Variants in MAST4 observed in about 807,000 individuals in gnomAD.
MAST4 encodes the protein microtubule associated serine/threonine kinase family member 4, also known as microtubule-associated serine/threonine-protein kinase 4.
MAST4 carries 89 observed loss-of-function variants against 162.7 expected under a neutral mutation model. That is an observed-to-expected ratio of 0.55 (90% CI 0.46 to 0.65). MAST4 has a LOEUF of 0.65. MAST4 is among the 30% of genes least tolerant of loss of function. The probability of loss-of-function intolerance (pLI) is 0.00; values close to 1 mark genes in which losing one functional copy is unlikely to be tolerated. For synonymous variants in MAST4, 1,479 were observed against 1,361.1 expected (o/e 1.09, Z -1.91); for missense variants, 3,153 against 3,374.0 (o/e 0.93, Z 1.62).
chr5:67,012,242 A>G (rs776709874), intron 4 of MAST4, among the ~76,000 whole-genome samples: 2 of 152,232 alleles, frequency 1.3e-5, no homozygotes, highest in Non-Finnish European at 2.9e-5. Context: ...GTTGGGGTCA[A>G]GGAATCATTT....
rs75180459 is a variant in MAST4, at chr5:66,779,521, G to C, written c.518-9149G>C. Among the ~76,000 whole-genome samples, 833 of 151,818 alleles carry C rather than the reference G, an allele frequency of 5.5e-3. 7 individuals are homozygous for C. Among genetic ancestry groups the C allele is most frequent in the South Asian group, 0.051 (247 of 4,804 alleles). ...GTATCCATTTATGCCATTAAGAAGA[G>C]TGATTTAGCAGCATTGTTGATGCTG... On this transcript the variant is annotated intron_variant, in intron 2 of 28. Transcript: ENST00000403625.
intron 4 of MAST4, among the ~76,000 whole-genome samples, chr5:66,908,077 T>A (rs180968685): frequency 7.9e-5 from 12 of 152,158 alleles, no homozygotes; most frequent in Non-Finnish European, 1.5e-4. Flanking sequence ...GCATTTAAAG[T>A]GGCATGTTTA....
rs777242441 is a variant in MAST4 at position 67,130,274 on chromosome 5, C to G, written c.1810C>G (p.Gln604Glu). 1 of 1,613,774 alleles carries G rather than the reference C, an allele frequency of 6.2e-7. No homozygotes were observed. Among genetic ancestry groups the G allele is most frequent in the South Asian group, 1.1e-5 (1 of 91,084 alleles). Residue 604 changes from glutamine to glutamate, a missense_variant, in exon 15 of 29, where the codon CAG (glutamine) becomes GAG (glutamate). Around this residue, in one of 7 missense-constraint regions of MAST4, gnomAD observed 131 missense variants for 253.8 expected, o/e 0.52. Coordinates refer to ENST00000403625, the MANE Select transcript of MAST4 (RefSeq NM_001164664.2). ...QRFAMKKINK[Q>E]NLILRNQIQQ... The stretch of plus-strand genomic sequence containing the variant: ...GTTTGCCATGAAGAAGATTAATAAA[C>G]AGAACCTCATCCTTCGAAACCAGAT...
intron 4 of MAST4, among the ~76,000 whole-genome samples, chr5:67,000,592 A>G (rs1751168383): frequency 6.6e-6 from 1 of 152,082 alleles, no homozygotes; most frequent in Non-Finnish European, 1.5e-5. Context: ...CTAAAAATAC[A>G]AAAAAATTAG....
At chr5:66,636,687 G>T (rs1398714132) in intron 1 of MAST4, among the ~76,000 whole-genome samples, 2 of 152,188 alleles carry the variant, frequency 1.3e-5, no homozygotes, top group Non-Finnish European at 2.9e-5. Context: ...TGTGCCTGGG[G>T]TGTAGCTTTC....
intron 4 of MAST4, among the ~76,000 whole-genome samples, chr5:66,910,750 T>C (rs1186467759): frequency 2.2e-5 from 3 of 138,700 alleles, no homozygotes; most frequent in African/African-American, 8.2e-5. Context: ...TCTTTTTTTT[T>C]TTTTCTTTTT....
intron 4 of MAST4, among the ~76,000 whole-genome samples, chr5:66,918,991 T>C (rs572504832): frequency 6.6e-6 from 1 of 151,376 alleles, no homozygotes; most frequent in East Asian, 2.0e-4. Context: ...TAATCCCAGC[T>C]ACTTGGGAGG....
intron 14 of MAST4, among the ~76,000 whole-genome samples, chr5:67,124,110 C>G (rs746741018): frequency 6.6e-6 from 1 of 152,228 alleles, no homozygotes; most frequent in African/African-American, 2.4e-5. Flanking sequence ...TCTCCCCACC[C>G]TCCCACACCT....
intron 23 of MAST4, among the ~76,000 whole-genome samples, chr5:67,148,369 A>G (rs1263831815): frequency 1.3e-5 from 2 of 152,182 alleles, no homozygotes; most frequent in African/African-American, 2.4e-5. Flanking sequence ...AACCTGGGAA[A>G]GAAAAAGTAG....
chr5:66,625,746 T>TA (rs1196501300), intron 1 of MAST4, among the ~76,000 whole-genome samples: 2 of 152,104 alleles, frequency 1.3e-5, no homozygotes, highest in African/African-American at 2.4e-5. Context: ...CTCAGAAGAT[T>TA]AAAAAAGGAA....
intron 3 of MAST4, among the ~76,000 whole-genome samples, chr5:66,839,390 C>T (rs920943961): frequency 3.3e-5 from 5 of 152,122 alleles, no homozygotes; most frequent in African/African-American, 1.2e-4. Context: ...ATTAATTGAA[C>T]TAGACTGTGA....
intron 3 of MAST4, among the ~76,000 whole-genome samples, chr5:66,876,054 A>G (rs1469473613): frequency 2.0e-5 from 3 of 152,224 alleles, no homozygotes; most frequent in African/African-American, 4.8e-5. Flanking sequence ...GGTGTGAGCC[A>G]CTGTGCCTGG....
chr5:66,953,876 G>A (rs559689673), intron 4 of MAST4, among the ~76,000 whole-genome samples: 2 of 152,250 alleles, frequency 1.3e-5, no homozygotes, highest in Admixed American at 6.5e-5. Context: ...CTCACTATAT[G>A]CCAATAGCAG....
rs781123854 is a variant in MAST4, at chr5:67,163,487, C to T, written c.4308C>T (p.Pro1436=). The change falls in exon 29 of 29, where the codon CCC becomes CCT. Residue 1436 remains proline (P), a synonymous_variant. Coordinates refer to ENST00000403625, the MANE Select transcript of MAST4 (RefSeq NM_001164664.2). The surrounding 1 kb of genome is among the most constrained non-coding windows in gnomAD (Gnocchi z 7.0). ...HIVRPKSAEP[P]RSPLLKRVQS... ...TGAGGCCCAAGAGTGCGGAGCCCCC[C>T]AGGTCCCCGCTGCTCAAGCGCGTGC... 9.9e-6 allele frequency: 16 copies of T among 1,613,120 alleles called. No individual in the cohort carries two copies. The highest frequency in any genetic ancestry group is 1.2e-5 in the Non-Finnish European group (14 of 1,179,738).
At chr5:67,028,543 C>T (rs139688731) in intron 4 of MAST4, among the ~76,000 whole-genome samples, 1 of 152,102 alleles carries the variant, frequency 6.6e-6, no homozygotes, top group African/African-American at 2.4e-5. Context: ...GGCTGGTGAC[C>T]GTGAGAATGA....
At chr5:66,678,667 G>A (rs1748118852) in intron 1 of MAST4, among the ~76,000 whole-genome samples, 1 of 151,722 alleles carries the variant, frequency 6.6e-6, no homozygotes, top group South Asian at 2.1e-4. Flanking sequence ...GCTAATTTTT[G>A]TATTTTTAAT....
Position 67,163,893 on chromosome 5 carries a change from A to G in MAST4, c.4714A>G (p.Arg1572Gly). Residue 1572 changes from arginine to glycine, a missense_variant, in exon 29 of 29, where the codon AGA (arginine) becomes GGA (glycine). By Grantham distance (125) the Arg-to-Gly change is moderately radical. Around this residue, in one of 7 missense-constraint regions of MAST4, gnomAD observed 1,644 missense variants for 1,495.0 expected, o/e 1.10. Transcript: ENST00000403625. The surrounding 1 kb of genome is among the most constrained non-coding windows in gnomAD (Gnocchi z 7.0). The stretch of plus-strand genomic sequence containing the variant: ...CTTTGCTCTGTTTAAGCTGGAAGAG[A>G]GAGAGAAGAAAGTCTATCCGAAGGC... ...ENFALFKLEE[R>G]EKKVYPKAVE... The G allele has an allele frequency of 2.5e-6, 4 of 1,614,032 alleles. No individual in the cohort carries two copies. Among genetic ancestry groups the G allele is most frequent in the Non-Finnish European group, 3.4e-6 (4 of 1,179,878 alleles).
At chr5:66,789,810 T>A (rs1468638534) in intron 3 of MAST4, 3 of 513,026 alleles carry the variant, frequency 5.8e-6, no homozygotes, top group Non-Finnish European at 1.2e-5. Context: ...TTCATCAAAA[T>A]TTTCCCCAAG....
chr5:66,920,665 G>A (rs1424470270), intron 4 of MAST4, among the ~76,000 whole-genome samples: 2 of 151,972 alleles, frequency 1.3e-5, no homozygotes, highest in Non-Finnish European at 2.9e-5. Context: ...TAAGTTTTGT[G>A]TTTTTATTAG....
Sources: gnomAD v4.1 joint callset for allele counts (sites outside exome capture counted in the v4.1 genomes callset) on GRCh38, gnomAD v4.1.1 for gene constraint, gnomAD v4.1.1 regional missense constraint, Gnocchi (gnomAD v3.1) non-coding constraint, MANE v1.5 for transcripts, NCBI Gene and HGNC (gene_info 2026-07-23, HGNC 2026-07-21) for gene names.